The following MYL9 variants were observed in gnomAD, a reference collection of about 807,000 sequenced individuals.
MYL9 encodes myosin light chain 9, also known as myosin regulatory light polypeptide 9.
MYL9 carries 7 observed loss-of-function variants against 12.8 expected under a neutral mutation model. The observed-to-expected ratio is 0.55, with a 90% CI of 0.31 to 1.03. MYL9 has a LOEUF of 1.03. Among genes scored for constraint, MYL9 ranks in the 50% least tolerant of loss-of-function variants. The pLI is 0.05. For synonymous variants in MYL9, 81 were observed against 87.8 expected (o/e 0.92, Z 0.43); for missense variants, 190 against 242.7 (o/e 0.78, Z 1.44).
chr20:36,546,626 TC>T (rs911640251), intron 2 of MYL9, among the ~76,000 whole-genome samples: 6 of 150,574 alleles, frequency 4.0e-5, no homozygotes, highest in African/African-American at 1.2e-4. Flanking sequence ...TCTTTTTTTT[TC>T]CCCCCGAGAC....
intron 2 of MYL9, among the ~76,000 whole-genome samples, chr20:36,545,304 T>C (rs534324857): frequency 5.4e-4 from 82 of 151,940 alleles, no homozygotes; most frequent in South Asian, 1.2e-3. Flanking sequence ...GAGACCATCC[T>C]GGCTAACACG....
chr20:36,545,175 G>C, intron 2 of MYL9, 107 bp downstream of exon 2: 2 of 1,291,254 alleles, frequency 1.5e-6, no homozygotes, highest in South Asian at 1.4e-5. Context: ...CCACCTTAGA[G>C]AATAGTTGCC....
intron 2 of MYL9, among the ~76,000 whole-genome samples, chr20:36,546,395 C>G (rs989113104): frequency 6.6e-6 from 1 of 152,182 alleles, no homozygotes; most frequent in Non-Finnish European, 1.5e-5. Context: ...GAGTCAGTCC[C>G]TGGTAGGGCC....
chr20:36,549,597 G>A lies in MYL9; in HGVS notation c.*348G>A, dbSNP rs1569529917. 2.7e-5 allele frequency: 6 copies of A among 219,260 alleles called. No individual in the cohort carries two copies. The South Asian group carries it at 4.4e-4, about 16-fold the overall frequency. The allele number at this position is 219,260 out of a possible 1,614,324, so 13.6% of individuals were successfully genotyped here. On this transcript the variant is annotated 3_prime_UTR_variant, in exon 4 of 4. Transcript: ENST00000279022. The stretch of plus-strand genomic sequence containing the variant: ...AGGGGCTCTGTGTGCCCCCCAGGAG[G>A]AAGAGGCCCTGAGTCCTGGGATCAG...
At chr20:36,546,574 C>G (rs2038102889) in intron 2 of MYL9, among the ~76,000 whole-genome samples, 1 of 152,084 alleles carries the variant, frequency 6.6e-6, no homozygotes, top group African/African-American at 2.4e-5. Flanking sequence ...TTGAAGGCTC[C>G]CTCCCCCAGG....
chr20:36,547,917 A>G, intron 2 of MYL9, 115 bp from the exon 3 acceptor site: 1 of 1,269,754 alleles, frequency 7.9e-7, no homozygotes. Context: ...AAAACCCACT[A>G]CCTCCCGTCT....
rs2038076148 is a variant in MYL9, at chr20:36,544,884, G to T, written c.-1G>T. On this transcript the variant is annotated 5_prime_UTR_variant, in exon 2 of 4. Transcript: ENST00000279022. The stretch of plus-strand genomic sequence containing the variant: ...GGAAGCCCCACCCACCAGAAGCCAA[G>T]ATGTCCAGCAAGCGGGCCAAAGCCA... 1 of 1,562,258 alleles carries T rather than the reference G, an allele frequency of 6.4e-7. No individual in the cohort carries two copies. The highest frequency in any genetic ancestry group is 1.4e-5 in the African/African-American group (1 of 73,094).
At chr20:36,547,522 G>A (rs1280650426) in intron 2 of MYL9, among the ~76,000 whole-genome samples, 1 of 152,198 alleles carries the variant, frequency 6.6e-6, no homozygotes, top group Non-Finnish European at 1.5e-5. Flanking sequence ...GCACAGCTGG[G>A]ATCCAAACCC....
intron 1 of MYL9, among the ~76,000 whole-genome samples, chr20:36,542,568 C>A (rs1238820418): frequency 6.6e-6 from 1 of 152,128 alleles, no homozygotes; most frequent in African/African-American, 2.4e-5. Context: ...ACACAGAGCC[C>A]TTTCCCACTC....
chr20:36,550,370 A>C lies in MYL9; in HGVS notation c.*1121A>C, dbSNP rs1310928182. On this transcript the variant is annotated 3_prime_UTR_variant, in exon 4 of 4. Coordinates refer to ENST00000279022, the MANE Select transcript of MYL9 (RefSeq NM_006097.5). The stretch of plus-strand genomic sequence containing the variant: ...TGTACGCAGGGCAGGCAGGGCCGGG[A>C]CCCCTGCTACTGGTGGATGATGGGG... 1 of 152,276 alleles carries C rather than the reference A, an allele frequency of 6.6e-6. No homozygotes were observed. The highest frequency in any genetic ancestry group is 1.5e-5 in the Non-Finnish European group (1 of 68,242). 9.4% of individuals were successfully genotyped at this position (152,276 alleles called of 1,614,324 possible).
intron 2 of MYL9, among the ~76,000 whole-genome samples, chr20:36,547,222 G>C (rs2038111805): frequency 6.6e-6 from 1 of 152,180 alleles, no homozygotes; most frequent in Admixed American, 6.6e-5. Context: ...TTATCTTCAA[G>C]TTAAAAACAA....
intron 1 of MYL9, among the ~76,000 whole-genome samples, chr20:36,542,710 C>CTCTCATGGGCACTCCACTCCCCT (rs2038051564): frequency 6.6e-6 from 1 of 152,220 alleles, no homozygotes. Context: ...GCCCCTCCCC[C>CTCTCATGGGCACTCCACTCCCCT]TCTCATGGGC....
At chr20:36,545,182 T>C (rs2038080241) in intron 2 of MYL9, 114 bp downstream of exon 2, 1 of 1,220,052 alleles carries the variant, frequency 8.2e-7, no homozygotes. Flanking sequence ...AGAGAATAGT[T>C]GCCATTAACT....
chr20:36,547,200 T>C (rs2038111528), intron 2 of MYL9, among the ~76,000 whole-genome samples: 1 of 152,188 alleles, frequency 6.6e-6, no homozygotes, highest in Non-Finnish European at 1.5e-5. Flanking sequence ...GGTCTGCAGG[T>C]GAGTCACACC....
intron 2 of MYL9, 108 bp from the exon 3 acceptor site, chr20:36,547,924 G>C: frequency 7.6e-7 from 1 of 1,314,422 alleles, no homozygotes; most frequent in Non-Finnish European, 1.0e-6. Context: ...ACTACCTCCC[G>C]TCTCACACGG....
chr20:36,546,678 C>T (rs1250618359), intron 2 of MYL9, among the ~76,000 whole-genome samples: 1 of 151,826 alleles, frequency 6.6e-6, no homozygotes, highest in Non-Finnish European at 1.5e-5. Flanking sequence ...GGCACCATCT[C>T]GGCTCACTGC....
At position 36,549,263 on chromosome 20, in the gene MYL9, CCT is replaced by C. The variant is rs768070627; in HGVS notation, c.*15_*16del. On this transcript the variant is annotated 3_prime_UTR_variant, in exon 4 of 4. Transcript: ENST00000279022. Reference sequence around the variant, plus strand: ...AAAGACGACTAGGCCACCCCAGCCCCCTGACACCCCAGCCCCCGCCAGTCACC... The same window carrying C: ...AAAGACGACTAGGCCACCCCAGCCCCGACACCCCAGCCCCCGCCAGTCACC... 5.1e-6 allele frequency: 8 copies of C among 1,573,568 alleles called. No individual in the cohort carries two copies. Among genetic ancestry groups the C allele is most frequent in the Non-Finnish European group, 5.2e-6 (6 of 1,153,778 alleles).
At position 36,548,170 on chromosome 20, in the gene MYL9, C is replaced by T; in HGVS notation, c.323C>T (p.Ala108Val). 1 of 1,612,712 alleles carries T rather than the reference C, an allele frequency of 6.2e-7. No individual in the cohort carries two copies. The highest frequency in any genetic ancestry group is 8.5e-7 in the Non-Finnish European group (1 of 1,179,066). Residue 108 changes from alanine to valine, a missense_variant, in exon 3 of 4, where the codon GCC (alanine) becomes GTC (valine). Coordinates refer to ENST00000279022, the MANE Select transcript of MYL9 (RefSeq NM_006097.5). ...DPEDVIRNAF[A>V]CFDEEASGFI... The stretch of plus-strand genomic sequence containing the variant: ...GAGGATGTGATTCGCAACGCCTTTG[C>T]CTGCTTCGACGAGGAAGCCTCAGGT...
At position 36,549,017 on chromosome 20, in the gene MYL9, G is replaced by T. The variant is rs2038137599; in HGVS notation, c.347-60G>T. The T allele has an allele frequency of 4.6e-6, 7 of 1,535,674 alleles. No homozygotes were observed. The African/African-American group carries it at 9.6e-5, about 21-fold the overall frequency. On this transcript the variant is annotated intron_variant, in intron 3 of 3. Transcript: ENST00000279022. Reference sequence around the variant, plus strand: ...GAGCTGCCAGGGGGCTGAGGGATGGGGCTGCTGTGTATGTCTCAGCCCAAG... The same window carrying T: ...GAGCTGCCAGGGGGCTGAGGGATGGTGCTGCTGTGTATGTCTCAGCCCAAG...
Sources: gnomAD v4.1 joint callset for allele counts (sites outside exome capture counted in the v4.1 genomes callset) on GRCh38, gnomAD v4.1.1 for gene constraint, MANE v1.5 for transcripts, NCBI Gene and HGNC (gene_info 2026-07-23, HGNC 2026-07-21) for gene names.